The following LMF1 variants were observed in gnomAD, a reference collection of about 807,000 sequenced individuals.
LMF1 encodes the protein lipase maturation factor 1.
LMF1 carries 68 observed loss-of-function variants against 60.6 expected under a neutral mutation model. The observed-to-expected ratio is 1.12, with a 90% CI of 0.92 to 1.37. The LOEUF is 1.37. Among genes scored for constraint, LMF1 ranks in the 40% most tolerant of loss-of-function variants. The pLI is 0.00. For synonymous variants in LMF1, 418 were observed against 324.7 expected (o/e 1.29, Z -3.09); for missense variants, 948 against 767.2 (o/e 1.24, Z -2.78).
upstream of LMF1, among the ~76,000 whole-genome samples, chr16:971,664 G>A (rs2073053423): frequency 6.6e-6 from 1 of 152,188 alleles, no homozygotes; most frequent in African/African-American, 2.4e-5. Flanking sequence ...AACAGAACAT[G>A]AAGGAGGACG....
intron 2 of LMF1, among the ~76,000 whole-genome samples, chr16:948,532 T>A (rs1291267493): frequency 7.8e-6 from 1 of 127,938 alleles, no homozygotes; most frequent in Admixed American, 8.4e-5. Context: ...AACGACAGAG[T>A]CAGCCAATGA....
chr16:972,445 C>T (rs192526652), upstream of LMF1, among the ~76,000 whole-genome samples: 377 of 152,324 alleles, frequency 2.5e-3, no homozygotes, highest in Non-Finnish European at 3.6e-3. Flanking sequence ...CAAGTCCCTC[C>T]ACAGAGCCCA....
chr16:877,894 AGAG>A (rs1325570779), intron 6 of LMF1, among the ~76,000 whole-genome samples: 1 of 152,194 alleles, frequency 6.6e-6, no homozygotes, highest in African/African-American at 2.4e-5. Flanking sequence ...TTAGCCACCA[AGAG>A]GAGGAAGTGT....
rs542082083 is a variant in LMF1 at position 866,292 on chromosome 16, G to A, written c.1529+2652C>T. Among the ~76,000 whole-genome samples, 20 of 152,350 alleles carry A rather than the reference G, an allele frequency of 1.3e-4. No individual in the cohort carries two copies. The East Asian group carries it at 3.9e-3, about 29-fold the overall frequency. On this transcript the variant is annotated intron_variant, in intron 10 of 10. Transcript: ENST00000262301. ...CAGGGGTATTACCTTGCTCCTGCCA[G>A]GTTGGGGTAGAACTCCAGTGGACGC...
At chr16:912,204 C>T (rs541403034) in intron 3 of LMF1, among the ~76,000 whole-genome samples, 4 of 152,160 alleles carry the variant, frequency 2.6e-5, no homozygotes, top group South Asian at 4.1e-4. Flanking sequence ...TGGGAGAGTG[C>T]GGAGGGGATG....
At chr16:943,370 CAA>C (rs34995293) in intron 2 of LMF1, among the ~76,000 whole-genome samples, 25,930 of 96,432 alleles carry the variant, frequency 0.27, 2,581 homozygotes, top group African/African-American at 0.32. Context: ...GACTCCATCT[CAA>C]AAAAAAAAAA....
intron 1 of LMF1, among the ~76,000 whole-genome samples, chr16:969,624 G>T (rs2072998732): frequency 6.6e-6 from 1 of 152,240 alleles, no homozygotes; most frequent in Non-Finnish European, 1.5e-5. Flanking sequence ...GGAAGGAAAG[G>T]GAGACGTCCA....
chr16:877,580 C>T (rs1334767970), intron 6 of LMF1, among the ~76,000 whole-genome samples: 1 of 152,074 alleles, frequency 6.6e-6, no homozygotes, highest in Non-Finnish European at 1.5e-5. Flanking sequence ...GGAGAAACGC[C>T]ACAACTCAAC....
intron 2 of LMF1, among the ~76,000 whole-genome samples, chr16:937,889 A>T (rs1244367465): frequency 6.6e-6 from 1 of 151,664 alleles, no homozygotes; most frequent in East Asian, 1.9e-4. Flanking sequence ...GTCCTCCTGA[A>T]CCACGCCCAG....
intron 5 of LMF1, among the ~76,000 whole-genome samples, chr16:890,198 G>A (rs762698248): frequency 7.2e-5 from 11 of 152,204 alleles, no homozygotes; most frequent in Non-Finnish European, 1.3e-4. Flanking sequence ...GCAAAGAGCC[G>A]TGTCACGGCG....
At chr16:931,200 C>T (rs556472232) in intron 3 of LMF1, among the ~76,000 whole-genome samples, 10 of 152,254 alleles carry the variant, frequency 6.6e-5, no homozygotes, top group South Asian at 4.1e-4. Context: ...GTGCAGCCAA[C>T]GCAACCAAGG....
intron 4 of LMF1, among the ~76,000 whole-genome samples, chr16:909,902 C>T (rs1251399471): frequency 1.3e-5 from 2 of 152,360 alleles, no homozygotes; most frequent in South Asian, 2.1e-4. Context: ...GGCGTGAGCG[C>T]GCTGTCGGGT....
At chr16:921,864 A>G (rs1005314391) in intron 3 of LMF1, among the ~76,000 whole-genome samples, 4 of 152,240 alleles carry the variant, frequency 2.6e-5, no homozygotes, top group African/African-American at 9.6e-5. Context: ...AACAAAGGTT[A>G]AAAGGTTTGA....
chr16:980,148 C>T (rs1315393837), intron 1 of LMF1: 1 of 224,372 alleles, frequency 4.5e-6, no homozygotes, highest in South Asian at 6.3e-5. Context: ...GATGAGACCG[C>T]CCTCCGGGCA....
At chr16:937,860 G>C (rs2071987754) in intron 2 of LMF1, among the ~76,000 whole-genome samples, 1 of 152,068 alleles carries the variant, frequency 6.6e-6, no homozygotes, top group Non-Finnish European at 1.5e-5. Flanking sequence ...TGTGTAGTAG[G>C]GACTTAATCA....
intron 10 of LMF1, among the ~76,000 whole-genome samples, chr16:862,742 C>T (rs1217015190): frequency 6.6e-6 from 1 of 152,084 alleles, no homozygotes; most frequent in Admixed American, 6.6e-5. Context: ...CCTGTGGTCC[C>T]AGCTACCTGG....
intron 1 of LMF1, chr16:975,996 CTG>C (rs2073131536): frequency 2.2e-6 from 1 of 452,962 alleles, no homozygotes; most frequent in Non-Finnish European, 4.4e-6. Context: ...CTCATGAACT[CTG>C]TGGACATTCT....
Position 955,176 on chromosome 16 carries a change from C to T in LMF1, c.194-510G>A, listed in dbSNP as rs1179561238. 1.8e-5 allele frequency among the ~76,000 whole-genome samples: 2 copies of T among 109,456 alleles called. 1 individual carries two copies. Among genetic ancestry groups the T allele is most frequent in the East Asian group, 4.7e-4 (2 of 4,236 alleles). 71.8% of individuals were successfully genotyped at this position (109,456 alleles called of 152,430 possible). ...GTGCCTGCAGCAGACGCAGTGTGTG[C>T]ATACACACACACACATCTAAGTAAA... On this transcript the variant is annotated intron_variant, in intron 1 of 10. Transcript: ENST00000262301.
chr16:875,566 G>A (rs543595487), intron 6 of LMF1, among the ~76,000 whole-genome samples: 2 of 152,122 alleles, frequency 1.3e-5, no homozygotes, highest in African/African-American at 4.8e-5. Context: ...TCAGCTTATC[G>A]GGAGAGGGGC....
Sources: gnomAD v4.1 joint callset for allele counts (sites outside exome capture counted in the v4.1 genomes callset) on GRCh38, gnomAD v4.1.1 for gene constraint, MANE v1.5 for transcripts, NCBI Gene and HGNC (gene_info 2026-07-23, HGNC 2026-07-21) for gene names.